The following PHF20L1 variants were observed in gnomAD, a reference collection of about 807,000 sequenced individuals.
PHF20L1 encodes the protein PHD finger protein 20-like protein 1.
In PHF20L1, 44 loss-of-function variants were observed where a neutral mutation model predicts 125.5. That is an observed-to-expected ratio of 0.35 (90% CI 0.28 to 0.45). The LOEUF is 0.45. Ranked by LOEUF, PHF20L1 falls within the 20% of genes least tolerant of loss-of-function variation. The probability of loss-of-function intolerance (pLI) is 1.00; values close to 1 mark genes in which losing one functional copy is unlikely to be tolerated. For missense variants in PHF20L1, 1,012 were observed against 1,217.2 expected, an observed-to-expected ratio of 0.83 and a Z score of 2.51; for synonymous variants, 380 against 403.1, an observed-to-expected ratio of 0.94 and a Z score of 0.69.
rs1300152295 is a variant in PHF20L1 at position 132,814,782 on chromosome 8, C to G, written c.1076C>G (p.Ser359Cys). 1 of 1,612,736 alleles carries G rather than the reference C, an allele frequency of 6.2e-7. No individual in the cohort carries two copies. Among genetic ancestry groups the G allele is most frequent in the East Asian group, 2.2e-5 (1 of 44,842 alleles). The change falls in exon 10 of 21, where the codon TCT becomes TGT. Residue 359 changes from serine (S) to cysteine (C), a missense_variant. Physicochemically the swap from Ser to Cys is moderately radical, Grantham distance 112. Transcript: ENST00000395386. ...AAATGCAAACATGAATCTGGAGATT[C>G]TTCTGGGTGTATAAAACCCCCTAAA... ...SKKCKHESGD[S>C]SGCIKPPKSP...
At chr8:132,811,754 T>G (rs1435833888) in intron 9 of PHF20L1, 1 of 984,876 alleles carries the variant, frequency 1.0e-6, no homozygotes, top group East Asian at 1.1e-4. Context: ...GTGCATGCTT[T>G]TACATTCTCT....
At chr8:132,830,423 A>G (rs1836636277) in intron 14 of PHF20L1, among the ~76,000 whole-genome samples, 1 of 152,054 alleles carries the variant, frequency 6.6e-6, no homozygotes, top group African/African-American at 2.4e-5. Context: ...GGACATAGAC[A>G]TTTTTGGCAG....
intron 8 of PHF20L1, chr8:132,808,337 C>G (rs1348772293): frequency 6.6e-6 from 1 of 152,080 alleles, no homozygotes. Context: ...CTGTAATATC[C>G]TAATGTAAAT....
intron 12 of PHF20L1, among the ~76,000 whole-genome samples, chr8:132,821,317 C>T (rs1026035093): frequency 2.0e-5 from 3 of 151,812 alleles, no homozygotes; most frequent in African/African-American, 7.3e-5. Flanking sequence ...ATTATATTAT[C>T]GATTGGTTAA....
chr8:132,836,411 C>G (rs1295276576), intron 15 of PHF20L1, 129 bp from the exon 16 acceptor site: 1 of 633,996 alleles, frequency 1.6e-6, no homozygotes, highest in Non-Finnish European at 2.7e-6. Flanking sequence ...GTACAGTATT[C>G]TTATTTGTTT....
chr8:132,807,041 A>C (rs1833796035), intron 8 of PHF20L1: 1 of 152,090 alleles, frequency 6.6e-6, no homozygotes, highest in Non-Finnish European at 1.5e-5. Flanking sequence ...CAGAGGTTCC[A>C]AATAGGTAGA....
intron 14 of PHF20L1, among the ~76,000 whole-genome samples, chr8:132,829,870 AAAAGAGTTAATACACAT>A (rs1461299541): frequency 1.3e-5 from 2 of 152,068 alleles, no homozygotes; most frequent in African/African-American, 4.8e-5. Context: ...TGTGAGGATT[AAAAGAGTTAATACACAT>A]AAAGAACTGA....
rs1422681651 is a variant in PHF20L1 at position 132,803,921 on chromosome 8, G to A, written c.610G>A (p.Asp204Asn). Residue 204 changes from aspartate (D) to asparagine (N), a missense_variant, in exon 7 of 21, where the codon GAT becomes AAT. Asp to Asn is a conservative substitution (Grantham distance 23, BLOSUM62 1). Coordinates refer to ENST00000395386, the MANE Select transcript of PHF20L1 (RefSeq NM_016018.5). ...TAACAGCAATAAAGATAAGGATAAA[G>A]ATGAGAGAAAGTGGTTTAAAGTACC... is the stretch of plus-strand genomic sequence containing the variant. ...SANSNKDKDKDERKWFKVPSK... is the reference protein window; with the variant it reads ...SANSNKDKDKNERKWFKVPSK... 1 of 1,611,528 alleles carries A rather than the reference G, an allele frequency of 6.2e-7. No homozygotes were observed. Among genetic ancestry groups the A allele is most frequent in the Non-Finnish European group, 8.5e-7 (1 of 1,178,154 alleles).
chr8:132,814,940 A>C, intron 10 of PHF20L1, 51 bp downstream of exon 10: 1 of 1,331,594 alleles, frequency 7.5e-7, no homozygotes, highest in Non-Finnish European at 1.0e-6. Flanking sequence ...GATACATTAA[A>C]AACAGTTTGA....
At chr8:132,843,363 A>AT in intron 19 of PHF20L1, 1 of 979,096 alleles carries the variant, frequency 1.0e-6, no homozygotes, top group Non-Finnish European at 1.2e-6. Context: ...CTATAAACTT[A>AT]TTTCCTGTTC....
At chr8:132,816,765 T>A in intron 10 of PHF20L1, 123 bp from the exon 11 acceptor site, 1 of 684,840 alleles carries the variant, frequency 1.5e-6, no homozygotes, top group Admixed American at 2.9e-5. Context: ...CCATTCCTTG[T>A]GGATATCTTA....
chr8:132,847,710 CAACA>C lies in PHF20L1; in HGVS notation c.*1788_*1791del, dbSNP rs1201555626. The C allele has an allele frequency of 1.3e-5, 2 of 152,484 alleles. No individual in the cohort carries two copies. Among genetic ancestry groups the C allele is most frequent in the African/African-American group, 4.8e-5 (2 of 41,416 alleles). The allele number at this position is 152,484 out of a possible 1,614,324, so 9.4% of individuals were successfully genotyped here. On this transcript the variant is annotated 3_prime_UTR_variant, in exon 21 of 21. Coordinates refer to ENST00000395386, the MANE Select transcript of PHF20L1 (RefSeq NM_016018.5). ...CCAACTTGACAAATGTGCCAAAGAT[CAACA>C]GACAGAAAATATCATCCTGTGTATT... is the stretch of plus-strand genomic sequence containing the variant.
At chr8:132,810,735 T>C (rs1413196330) in intron 8 of PHF20L1, 2 of 256,648 alleles carry the variant, frequency 7.8e-6, no homozygotes, top group African/African-American at 2.3e-5. Flanking sequence ...TGAGCAACCT[T>C]AATGTAGACA....
intron 4 of PHF20L1, among the ~76,000 whole-genome samples, chr8:132,796,987 C>T (rs561882972): frequency 6.6e-5 from 10 of 152,084 alleles, no homozygotes; most frequent in African/African-American, 9.6e-5. Context: ...ACACACATAG[C>T]GCACACACTC....
chr8:132,825,540 CTGTTTCACTCTGGCCTATAAT>C (rs1836078501), intron 14 of PHF20L1, among the ~76,000 whole-genome samples, 169 bp downstream of exon 14: 2 of 151,972 alleles, frequency 1.3e-5, no homozygotes, highest in Non-Finnish European at 2.9e-5. Flanking sequence ...ATATACTACT[CTGTTTCACTCTGGCCTATAAT>C]TGTTGCACTC....
chr8:132,783,909 G>A (rs924399325), intron 2 of PHF20L1, among the ~76,000 whole-genome samples: 7 of 152,134 alleles, frequency 4.6e-5, no homozygotes, highest in Non-Finnish European at 8.8e-5. Flanking sequence ...AAATCTGTAA[G>A]TTTTGTTTAA....
chr8:132,835,980 C>T (rs981137531), intron 15 of PHF20L1, among the ~76,000 whole-genome samples: 8 of 151,860 alleles, frequency 5.3e-5, no homozygotes. Context: ...TAAAACCCGT[C>T]CTCTTTACAA....
intron 15 of PHF20L1, among the ~76,000 whole-genome samples, chr8:132,835,865 G>A (rs1238918982): frequency 6.6e-6 from 1 of 152,054 alleles, no homozygotes. Flanking sequence ...TGCTTACTAA[G>A]TGCTATAGTA....
intron 9 of PHF20L1, chr8:132,811,402 C>T: frequency 8.9e-7 from 1 of 1,125,066 alleles, no homozygotes; most frequent in Non-Finnish European, 1.1e-6. Flanking sequence ...CCAGCTGGAT[C>T]ACCTTTAACT....
Sources: gnomAD v4.1 joint callset for allele counts (sites outside exome capture counted in the v4.1 genomes callset) on GRCh38, gnomAD v4.1.1 for gene constraint, MANE v1.5 for transcripts, NCBI Gene and HGNC (gene_info 2026-07-23, HGNC 2026-07-21) for gene names.